Variants in KRT16 observed in about 807,000 individuals in gnomAD.
The protein encoded by KRT16 is keratin, type I cytoskeletal 16.
Under a neutral mutation model 44.8 loss-of-function variants are expected in KRT16, and 42 were observed. The ratio of observed to expected loss-of-function variants is 0.94; its 90% CI spans 0.73 to 1.21. The LOEUF (loss-of-function observed/expected upper bound fraction) is 1.21, where lower values mean the gene tolerates loss of function less well. KRT16 is among the 50% of genes most tolerant of loss of function. The pLI, the probability that KRT16 is intolerant of heterozygous loss-of-function variation, is 0.00. For missense variants in KRT16, 561 were observed against 626.9 expected, an observed-to-expected ratio of 0.89 and a Z score of 1.12; for synonymous variants, 226 against 260.4, an observed-to-expected ratio of 0.87 and a Z score of 1.27.
Position 41,609,827 on chromosome 17 carries a change from G to A in KRT16, c.*108C>T. The A allele has an allele frequency of 1.2e-6, 1 of 856,086 alleles. No homozygotes were observed. Among genetic ancestry groups the A allele is most frequent in the Non-Finnish European group, 1.9e-6 (1 of 513,392 alleles). 53.0% of individuals were successfully genotyped at this position (856,086 alleles called of 1,614,324 possible). Reference sequence around the variant, plus strand: ...TTATTAGCCCACCACCAGCAGAGGAGCAGGGGAGATAGCTGGGAACTGCGC... The same window carrying A: ...TTATTAGCCCACCACCAGCAGAGGAACAGGGGAGATAGCTGGGAACTGCGC... On this transcript the variant is annotated 3_prime_UTR_variant, in exon 8 of 8. Transcript: ENST00000301653.
At position 41,611,411 on chromosome 17, in the gene KRT16, A is replaced by G; in HGVS notation, c.705T>C (p.Thr235=). Residue 235 remains threonine (T), a synonymous_variant, in exon 3 of 8, where the codon ACT becomes ACC. Coordinates refer to ENST00000301653, the MANE Select transcript of KRT16 (RefSeq NM_005557.4). ...RVLDELTLAR[T]DLEMQIEGLK... is the part of the protein sequence containing the mutation. ...GGCCTTCGATCTGCATCTCCAGGTC[A>G]GTCCTGGCCAGGGTCAGCTCATCCA... 1 of 1,614,240 alleles carries G rather than the reference A, an allele frequency of 6.2e-7. No homozygotes were observed. The highest frequency in any genetic ancestry group is 8.5e-7 in the Non-Finnish European group (1 of 1,180,038).
rs1223841490 is a variant in KRT16 at position 41,611,596 on chromosome 17, G to C, written c.614+43C>G. On this transcript the variant is annotated intron_variant, in intron 2 of 7. Transcript: ENST00000301653. Reference sequence around the variant, plus strand: ...TGCTGGGTGGACCGCCCCACTCTTTGTCCCTTGCCCTCTGCCCCCAGCCCA... The same window carrying C: ...TGCTGGGTGGACCGCCCCACTCTTTCTCCCTTGCCCTCTGCCCCCAGCCCA... 3 of 1,606,986 alleles carry C rather than the reference G, an allele frequency of 1.9e-6. No individual in the cohort carries two copies. The Admixed American group carries it at 5.0e-5, about 27-fold the overall frequency.
Position 41,611,051 on chromosome 17 carries a change from T to C in KRT16, c.933+18A>G, listed in dbSNP as rs776549103. On this transcript the variant is annotated intron_variant, in intron 4 of 7. Transcript: ENST00000301653. ...CAGCTGGGAAGTGCTGCAGGCTCAC[T>C]GCGGGCCCGAGCCCCACCTTGCTCA... 6.2e-6 allele frequency: 10 copies of C among 1,613,692 alleles called. No individual in the cohort carries two copies. Among genetic ancestry groups the C allele is most frequent in the African/African-American group, 5.3e-5 (4 of 74,922 alleles).
chr17:41,610,867 G>T lies in KRT16; in HGVS notation c.1046C>A (p.Ser349Tyr). The change falls in exon 5 of 8, where the codon TCC becomes TAC. Residue 349 changes from serine (S) to tyrosine (Y), a missense_variant. Transcript: ENST00000301653. ...GGTCCTTCATACCATGCTGAGCTGG[G>T]ACTGCAGCTCAATCTCCAGGCCCTG... The part of the protein sequence containing the change: ...VLQGLEIELQ[S>Y]QLSMKASLEN... 1 of 1,614,004 alleles carries T rather than the reference G, an allele frequency of 6.2e-7. No homozygotes were observed. Among genetic ancestry groups the T allele is most frequent in the Non-Finnish European group, 8.5e-7 (1 of 1,180,024 alleles).
chr17:41,611,098 T>A lies in KRT16; in HGVS notation c.904A>T (p.Arg302Ter), dbSNP rs776940875. 6.2e-7 allele frequency: 1 copy of A among 1,614,034 alleles called. No homozygotes were observed. The highest frequency in any genetic ancestry group is 1.1e-5 in the South Asian group (1 of 91,084). The change falls in exon 4 of 8, where the codon AGA (arginine) becomes TGA (stop). Residue 302 changes from arginine (R) to a stop codon, truncating the protein, a stop_gained. Transcript: ENST00000301653. LOFTEE classifies it high-confidence loss of function. ...CTCAGGAACCAGGTCTCAGCGTCTC[T>A]GCGGTTTTTCTCTGCCATCTGCTCG... ...QYEQMAEKNR[R>*]DAETWFLSKT... is the part of the protein sequence containing the mutation.
intron 6 of KRT16, 28 bp from the exon 7 acceptor site, chr17:41,610,264 AGTTG>A (rs1392158772): frequency 2.5e-6 from 4 of 1,613,672 alleles, no homozygotes; most frequent in Non-Finnish European, 3.4e-6. Flanking sequence ...CAGGGCAGTC[AGTTG>A]TGCTGAGAGC....
rs200704257 is a variant in KRT16, at chr17:41,612,283, G to A, written c.406C>T (p.Arg136Cys). The A allele has an allele frequency of 3.1e-6, 5 of 1,614,044 alleles. No individual in the cohort carries two copies. Among genetic ancestry groups the A allele is most frequent in the African/African-American group, 1.3e-5 (1 of 75,016 alleles). ...DRLASYLDKV[R>C]ALEEANADLE... ...TCGGCGTTGGCCTCCTCCAGAGCAC[G>A]CACCTTGTCCAGGTAGGAGGCCAGG... The change falls in exon 1 of 8, where the codon CGT (arginine) becomes TGT (cysteine). Residue 136 changes from arginine (R) to cysteine (C), a missense_variant. Physicochemically the swap from Arg to Cys is radical, Grantham distance 180. Coordinates refer to ENST00000301653, the MANE Select transcript of KRT16 (RefSeq NM_005557.4).
At position 41,612,569 on chromosome 17, in the gene KRT16, G is replaced by A; in HGVS notation, c.120C>T (p.Cys40=). ...RISSVLAGGS[C]RAPSTYGGGL... ...CGCCCCCGTAGGTGCTGGGGGCACGGCAGGACCCTCCGGCCAGGACGGAGG... is the reference window on the plus strand; with the variant it reads ...CGCCCCCGTAGGTGCTGGGGGCACGACAGGACCCTCCGGCCAGGACGGAGG... Residue 40 remains cysteine (C), a synonymous_variant, in exon 1 of 8, where the codon TGC becomes TGT. Coordinates refer to ENST00000301653, the MANE Select transcript of KRT16 (RefSeq NM_005557.4). 6.3e-7 allele frequency: 1 copy of A among 1,595,152 alleles called. No homozygotes were observed. The highest frequency in any genetic ancestry group is 8.5e-7 in the Non-Finnish European group (1 of 1,171,358).
chr17:41,611,078 G>C lies in KRT16; in HGVS notation c.924C>G (p.Phe308Leu). ...EKNRRDAETW[F>L]LSKTEELNKE... The stretch of plus-strand genomic sequence containing the variant: ...CGGGCCCGAGCCCCACCTTGCTCAG[G>C]AACCAGGTCTCAGCGTCTCTGCGGT... Residue 308 changes from phenylalanine (F) to leucine (L), a missense_variant, in exon 4 of 8, where the codon TTC becomes TTG. Coordinates refer to ENST00000301653, the MANE Select transcript of KRT16 (RefSeq NM_005557.4). The C allele has an allele frequency of 1.2e-6, 2 of 1,614,020 alleles. No homozygotes were observed. The highest frequency in any genetic ancestry group is 8.5e-7 in the Non-Finnish European group (1 of 1,179,870).
At chr17:41,612,035 C>A (rs1357999631) in intron 1 of KRT16, 123 bp downstream of exon 1, 1 of 1,228,694 alleles carries the variant, frequency 8.1e-7, no homozygotes, top group Non-Finnish European at 1.2e-6. Context: ...CCTGGGTGAT[C>A]CTGGCCACTC....
rs749045090 is a variant in KRT16, at chr17:41,612,259, C to A, written c.430G>T (p.Asp144Tyr). ...CAGTCACGGATCTTCACTTCCAGGT[C>A]GGCGTTGGCCTCCTCCAGAGCACGC... ...KVRALEEANA[D>Y]LEVKIRDWYQ... The change falls in exon 1 of 8, where the codon GAC (aspartate) becomes TAC (tyrosine). Residue 144 changes from aspartate to tyrosine, a missense_variant. Transcript: ENST00000301653. 6.2e-7 allele frequency: 1 copy of A among 1,613,894 alleles called. No homozygotes were observed. The highest frequency in any genetic ancestry group is 1.3e-5 in the African/African-American group (1 of 75,014).
rs1337546363 is a variant in KRT16, at chr17:41,612,527, A to G, written c.162T>C (p.Ser54=). 3 of 1,599,250 alleles carry G rather than the reference A, an allele frequency of 1.9e-6. No individual in the cohort carries two copies. Among genetic ancestry groups the G allele is most frequent in the South Asian group, 1.1e-5 (1 of 89,906 alleles). The change falls in exon 1 of 8, where the codon TCT becomes TCC. Residue 54 remains serine, a synonymous_variant. Coordinates refer to ENST00000301653, the MANE Select transcript of KRT16 (RefSeq NM_005557.4). ...CGCAGGCTCCCCCAGAGGAGAAGCG[A>G]GAGGAGACAGACAGGCCGCCCCCGT... ...STYGGGLSVS[S]RFSSGGACGL...
Position 41,610,955 on chromosome 17 carries a change from C to A in KRT16, c.958G>T (p.Ala320Ser), listed in dbSNP as rs1908173019. The A allele has an allele frequency of 1.2e-6, 2 of 1,614,052 alleles. No homozygotes were observed. Among genetic ancestry groups the A allele is most frequent in the South Asian group, 1.1e-5 (1 of 91,084 alleles). ...CTCTGTACCAGTTCGCTGTTGGAGG[C>A]CACTTCTTTGTTCAGCTCCTCGGTC... is the stretch of plus-strand genomic sequence containing the variant. ...SKTEELNKEV[A>S]SNSELVQSSR... The change falls in exon 5 of 8, where the codon GCC becomes TCC. Residue 320 changes from alanine to serine, a missense_variant. Physicochemically the swap from Ala to Ser is moderately conservative, Grantham distance 99 (BLOSUM62 1). Transcript: ENST00000301653.
intron 2 of KRT16, 62 bp downstream of exon 2, chr17:41,611,577 G>C (rs1480075343): frequency 8.1e-6 from 13 of 1,607,546 alleles, no homozygotes; most frequent in Non-Finnish European, 1.1e-5. Flanking sequence ...GCCCTGCTGG[G>C]TGGACCGCCC....
chr17:41,611,067 A>C lies in KRT16; in HGVS notation c.933+2T>G. The C allele has an allele frequency of 6.2e-7, 1 of 1,613,944 alleles. No individual in the cohort carries two copies. Among genetic ancestry groups the C allele is most frequent in the South Asian group, 1.1e-5 (1 of 91,072 alleles). ...CAGGCTCACTGCGGGCCCGAGCCCC[A>C]CCTTGCTCAGGAACCAGGTCTCAGC... On this transcript the variant is annotated splice_donor_variant, in intron 4 of 7. Transcript: ENST00000301653. LOFTEE classifies it high-confidence loss of function.
rs1908175321 is a variant in KRT16, at chr17:41,610,991, A to G, written c.934-12T>C. ...TTCAGCTCCTCGGTCTGAGGCAGGA[A>G]AGCAGAGTGAAAGGTGAGGCTCTCC... On this transcript the variant is annotated splice_polypyrimidine_tract_variant and intron_variant, in intron 4 of 7. Transcript: ENST00000301653. 3.1e-6 allele frequency: 5 copies of G among 1,614,084 alleles called. No individual in the cohort carries two copies. The highest frequency in any genetic ancestry group is 4.2e-6 in the Non-Finnish European group (5 of 1,179,936).
In KRT16 at chr17:41,611,249, A is replaced by T. The variant is rs189594149; in HGVS notation, c.772-19T>A. 3 of 1,613,918 alleles carry T rather than the reference A, an allele frequency of 1.9e-6. No homozygotes were observed. Among genetic ancestry groups the T allele is most frequent in the Non-Finnish European group, 2.5e-6 (3 of 1,179,846 alleles). On this transcript the variant is annotated intron_variant, in intron 3 of 7. Transcript: ENST00000301653. ...GCATCTCCTGGGAAGGGATGGCAGG[A>T]GGCGGTCAGTTCAGCAGACTTCTCT...
intron 1 of KRT16, chr17:41,611,942 C>A: frequency 6.3e-6 from 5 of 794,108 alleles, no homozygotes; most frequent in East Asian, 2.7e-5. Context: ...TGCAGCTGAA[C>A]CCTTGAAGGA....
chr17:41,609,851 G>T lies in KRT16; in HGVS notation c.*84C>A, dbSNP rs546830193. On this transcript the variant is annotated 3_prime_UTR_variant, in exon 8 of 8. Transcript: ENST00000301653. ...AGCAGGGGAGATAGCTGGGAACTGC[G>T]CCAGGAGAGCAGGGTCCTGACCCGG... The T allele has an allele frequency of 2.7e-6, 3 of 1,127,266 alleles. No individual in the cohort carries two copies. The highest frequency in any genetic ancestry group is 2.4e-5 in the East Asian group (1 of 41,430). The allele number at this position is 1,127,266 out of a possible 1,614,324, so 69.8% of individuals were successfully genotyped here.
Sources: allele counts gnomAD v4.1 joint callset, GRCh38; gene constraint gnomAD v4.1.1; transcripts MANE v1.5; gene names NCBI Gene and HGNC (gene_info 2026-07-23, HGNC 2026-07-21).